NEGR1: variants seen among roughly 807,000 people sequenced by gnomAD.
NEGR1 encodes IgLON family member 4.
A neutral mutation model predicts 40.9 loss-of-function variants in NEGR1; 10 were observed. That is an observed-to-expected ratio of 0.24 (90% CI 0.15 to 0.42). The LOEUF is 0.42. Among genes scored for constraint, NEGR1 ranks in the 10% least tolerant of loss-of-function variants. The probability of loss-of-function intolerance (pLI) is 1.00; values close to 1 mark genes in which losing one functional copy is unlikely to be tolerated. For synonymous variants in NEGR1, 185 were observed against 166.8 expected (o/e 1.11, Z -0.84); for missense variants, 352 against 438.9 (o/e 0.80, Z 1.77).
intron 2 of NEGR1, among the ~76,000 whole-genome samples, chr1:71,781,363 T>C (rs1195358205): frequency 6.6e-6 from 1 of 152,214 alleles, no homozygotes; most frequent in Non-Finnish European, 1.5e-5. Flanking sequence ...TCACACATGA[T>C]ATTAAAAACC....
chr1:71,757,869 C>A (rs1655795992), intron 3 of NEGR1, among the ~76,000 whole-genome samples: 1 of 152,002 alleles, frequency 6.6e-6, no homozygotes, highest in Non-Finnish European at 1.5e-5. Flanking sequence ...TCATCACGAT[C>A]TTTTATTATC....
chr1:71,756,091 C>G (rs1015593627), intron 3 of NEGR1, among the ~76,000 whole-genome samples: 1 of 152,020 alleles, frequency 6.6e-6, no homozygotes, highest in African/African-American at 2.4e-5. Context: ...GTTACACTAG[C>G]AAGAAGACTT....
chr1:72,012,793 A>ATG (rs1212790877), intron 1 of NEGR1, among the ~76,000 whole-genome samples: 8 of 146,134 alleles, frequency 5.5e-5, no homozygotes, highest in Admixed American at 1.4e-4. Context: ...AACATTAGTA[A>ATG]TGTGTGTGTG....
At chr1:71,868,042 G>A (rs1177131167) in intron 2 of NEGR1, among the ~76,000 whole-genome samples, 2 of 152,082 alleles carry the variant, frequency 1.3e-5, no homozygotes, top group Non-Finnish European at 2.9e-5. Flanking sequence ...TCTTTGAATT[G>A]AGGACACCAT....
At chr1:72,253,504 C>A (rs559573468) in intron 1 of NEGR1, among the ~76,000 whole-genome samples, 1 of 152,090 alleles carries the variant, frequency 6.6e-6, no homozygotes, top group Non-Finnish European at 1.5e-5. Context: ...TATCTTGGAA[C>A]ATAGCCAATT....
intron 2 of NEGR1, among the ~76,000 whole-genome samples, chr1:71,837,638 TAAGTA>T (rs972601054): frequency 1.3e-5 from 2 of 152,088 alleles, no homozygotes; most frequent in Non-Finnish European, 2.9e-5. Context: ...TACCCTATAA[TAAGTA>T]AAGAGTAGAT....
At chr1:72,277,530 T>G (rs982068509) in intron 1 of NEGR1, among the ~76,000 whole-genome samples, 2 of 152,130 alleles carry the variant, frequency 1.3e-5, no homozygotes, top group African/African-American at 4.8e-5. Context: ...CATTATACTT[T>G]TATTAATAGT....
At chr1:71,762,704 T>G (rs1460627106) in intron 3 of NEGR1, among the ~76,000 whole-genome samples, 1 of 152,160 alleles carries the variant, frequency 6.6e-6, no homozygotes, top group Non-Finnish European at 1.5e-5. Context: ...GATTATGCAC[T>G]GTATGGCAGT....
chr1:72,098,748 C>T (rs1022987606), intron 1 of NEGR1, among the ~76,000 whole-genome samples: 8 of 151,870 alleles, frequency 5.3e-5, no homozygotes, highest in African/African-American at 1.7e-4. Flanking sequence ...TTCTAGCAGC[C>T]GTAGGAAGTC....
chr1:71,719,318 T>G (rs1010353811), intron 3 of NEGR1, among the ~76,000 whole-genome samples: 2 of 152,074 alleles, frequency 1.3e-5, no homozygotes, highest in Non-Finnish European at 2.9e-5. Flanking sequence ...ATTTGTCACA[T>G]GAAAGAATAA....
intron 2 of NEGR1, among the ~76,000 whole-genome samples, chr1:71,860,176 G>A (rs971947128): frequency 6.7e-6 from 1 of 149,164 alleles, no homozygotes. Context: ...ACTGGTAGAG[G>A]GCAGTCAAAA....
chr1:71,978,853 C>T (rs1054333927), intron 1 of NEGR1, among the ~76,000 whole-genome samples: 1 of 152,104 alleles, frequency 6.6e-6, no homozygotes, highest in South Asian at 2.1e-4. Context: ...CCATTACATA[C>T]TCTGGGATAA....
intron 3 of NEGR1, among the ~76,000 whole-genome samples, chr1:71,761,726 T>C (rs1027279396): frequency 2.0e-5 from 3 of 151,742 alleles, no homozygotes; most frequent in African/African-American, 7.3e-5. Flanking sequence ...CCTTCAGAAA[T>C]AAAGAAAAAA....
chr1:71,865,975 G>GT (rs1180174961), intron 2 of NEGR1, among the ~76,000 whole-genome samples: 1 of 151,932 alleles, frequency 6.6e-6, no homozygotes, highest in Non-Finnish European at 1.5e-5. Context: ...ATAGTCCATT[G>GT]TTCTTCTGTG....
At chr1:72,020,328 A>T (rs1006260587) in intron 1 of NEGR1, among the ~76,000 whole-genome samples, 1 of 152,176 alleles carries the variant, frequency 6.6e-6, no homozygotes, top group Non-Finnish European at 1.5e-5. Flanking sequence ...AACAGACAAG[A>T]TCTGGGACCC....
intron 4 of NEGR1, among the ~76,000 whole-genome samples, chr1:71,656,495 C>T (rs1570159569): frequency 6.6e-6 from 1 of 152,282 alleles, no homozygotes; most frequent in East Asian, 1.9e-4. Context: ...TTACTGCAAA[C>T]TCCACCTCCC....
intron 4 of NEGR1, among the ~76,000 whole-genome samples, chr1:71,647,848 T>C (rs1163281858): frequency 2.6e-5 from 4 of 152,022 alleles, no homozygotes; most frequent in Non-Finnish European, 5.9e-5. Context: ...GCCTGGCTTG[T>C]GACACTGTGT....
At chr1:72,063,800 T>C (rs1337128586) in intron 1 of NEGR1, among the ~76,000 whole-genome samples, 2 of 151,986 alleles carry the variant, frequency 1.3e-5, no homozygotes, top group African/African-American at 2.4e-5. Flanking sequence ...CCCTCAATGC[T>C]GTAACAAGCT....
chr1:72,052,555 T>C (rs1557502701), intron 1 of NEGR1, among the ~76,000 whole-genome samples: 1 of 151,462 alleles, frequency 6.6e-6, no homozygotes, highest in Admixed American at 6.6e-5. Flanking sequence ...TCAATTGATG[T>C]CACAGGTGAT....
Sources: gnomAD v4.1 joint callset for allele counts (sites outside exome capture counted in the v4.1 genomes callset) on GRCh38, gnomAD v4.1.1 for gene constraint, MANE v1.5 for transcripts, NCBI Gene and HGNC (gene_info 2026-07-23, HGNC 2026-07-21) for gene names.